Variants in DPP10 observed in about 807,000 individuals in gnomAD.
DPP10 encodes inactive dipeptidyl peptidase 10.
DPP10 carries 33 observed loss-of-function variants against 120.9 expected under a neutral mutation model. The ratio of observed to expected loss-of-function variants is 0.27; its 90% CI spans 0.21 to 0.37. The LOEUF (loss-of-function observed/expected upper bound fraction) is 0.37, where lower values mean the gene tolerates loss of function less well. Among genes scored for constraint, DPP10 ranks in the 10% least tolerant of loss-of-function variants. DPP10 has a pLI of 1.00. For missense variants in DPP10, 816 were observed against 942.8 expected (o/e 0.87, Z 1.76); for synonymous variants, 337 against 326.1 (o/e 1.03, Z -0.36).
chr2:114,879,296 C>G (rs1054017456), intron 1 of DPP10, among the ~76,000 whole-genome samples: 18 of 151,988 alleles, frequency 1.2e-4, no homozygotes, highest in South Asian at 2.1e-4. Flanking sequence ...AGCTATGATT[C>G]ATGTTTTTGT....
chr2:114,462,208 G>C, intron 1 of DPP10: 1 of 968,216 alleles, frequency 1.0e-6, no homozygotes, highest in Non-Finnish European at 1.2e-6. Context: ...GACAAGTTGC[G>C]AAGATTTTAC....
chr2:115,138,924 C>A (rs2050781056), intron 1 of DPP10, among the ~76,000 whole-genome samples: 3 of 152,092 alleles, frequency 2.0e-5, no homozygotes, highest in South Asian at 2.1e-4. Context: ...TACACCTGGG[C>A]AAAATGTCTT....
intron 1 of DPP10, among the ~76,000 whole-genome samples, chr2:114,885,032 A>AT: frequency 6.6e-6 from 1 of 152,320 alleles, no homozygotes; most frequent in South Asian, 2.1e-4. Flanking sequence ...CAAAACGTAT[A>AT]TTCCCCACAG....
intron 1 of DPP10, among the ~76,000 whole-genome samples, chr2:114,450,749 G>A (rs989461500): frequency 1.3e-5 from 2 of 151,110 alleles, no homozygotes; most frequent in African/African-American, 2.4e-5. Context: ...AAAAGGTTTT[G>A]CATTATGAGC....
Position 115,842,397 on chromosome 2 carries a change from G to T in DPP10, c.*52G>T. ...GGAATATTGAGGCTCAATGAAACCT[G>T]ACAAAGAGACTGTAATATTGTAGTT... On this transcript the variant is annotated 3_prime_UTR_variant, in exon 26 of 26. Transcript: ENST00000410059. The T allele has an allele frequency of 6.4e-7, 1 of 1,571,296 alleles. No individual in the cohort carries two copies.
At chr2:115,613,103 C>T (rs1284314653) in intron 5 of DPP10, among the ~76,000 whole-genome samples, 1 of 152,178 alleles carries the variant, frequency 6.6e-6, no homozygotes, top group Non-Finnish European at 1.5e-5. Flanking sequence ...TACTACATAA[C>T]ATGCAGTGGT....
intron 3 of DPP10, among the ~76,000 whole-genome samples, chr2:115,480,018 C>T (rs1201851021): frequency 6.6e-6 from 1 of 152,128 alleles, no homozygotes; most frequent in Non-Finnish European, 1.5e-5. Flanking sequence ...AGAGCTACCC[C>T]TTCAACTATA....
At position 115,611,009 on chromosome 2, in the gene DPP10, C is replaced by T. The variant is rs116274950; in HGVS notation, c.442-78678C>T. On this transcript the variant is annotated intron_variant, in intron 5 of 25. Coordinates refer to ENST00000410059, the MANE Select transcript of DPP10 (RefSeq NM_020868.6). The stretch of plus-strand genomic sequence containing the variant: ...GACACAGTTGTTTCTCCCAACATAT[C>T]GATATTATATCAGACTGATGTATCT... 4.7e-3 allele frequency among the ~76,000 whole-genome samples: 714 copies of T among 152,068 alleles called. 6 individuals carry two copies. Among genetic ancestry groups the T allele is most frequent in the South Asian group, 9.3e-3 (45 of 4,816 alleles).
At chr2:115,457,735 TG>T (rs1323818573) in intron 3 of DPP10, among the ~76,000 whole-genome samples, 1 of 152,072 alleles carries the variant, frequency 6.6e-6, no homozygotes, top group East Asian at 1.9e-4. Context: ...ATACAACACT[TG>T]GGGAGACAAC....
At chr2:114,457,071 A>G (rs1312149007) in intron 1 of DPP10, among the ~76,000 whole-genome samples, 1 of 152,224 alleles carries the variant, frequency 6.6e-6, no homozygotes, top group African/African-American at 2.4e-5. Context: ...ATAGATTAAG[A>G]GTAAGATCAA....
chr2:114,957,757 A>T (rs775684014), intron 1 of DPP10, among the ~76,000 whole-genome samples: 13 of 152,236 alleles, frequency 8.5e-5, no homozygotes, highest in Non-Finnish European at 1.8e-4. Flanking sequence ...TTAAAAATGT[A>T]GTGTACATAT....
At chr2:114,939,949 C>T (rs568674394) in intron 1 of DPP10, among the ~76,000 whole-genome samples, 1 of 152,172 alleles carries the variant, frequency 6.6e-6, no homozygotes, top group South Asian at 2.1e-4. Context: ...ACAATTGAAG[C>T]CTGTTAGTCT....
intron 24 of DPP10, among the ~76,000 whole-genome samples, chr2:115,839,367 G>T (rs528070796): frequency 5.6e-4 from 85 of 152,128 alleles, no homozygotes; most frequent in African/African-American, 1.9e-3. Context: ...CCCTAATTTT[G>T]CAACGACAAT....
chr2:115,585,526 A>T (rs1482736932), intron 5 of DPP10, among the ~76,000 whole-genome samples: 2 of 152,150 alleles, frequency 1.3e-5, no homozygotes, highest in Admixed American at 1.3e-4. Context: ...CATTGAATAA[A>T]AAAGGTAAAT....
intron 1 of DPP10, among the ~76,000 whole-genome samples, chr2:114,722,555 T>A (rs1220378470): frequency 6.6e-6 from 1 of 151,882 alleles, no homozygotes; most frequent in Non-Finnish European, 1.5e-5. Flanking sequence ...GGCGGGTGGA[T>A]CATGAGATCA....
intron 1 of DPP10, among the ~76,000 whole-genome samples, chr2:114,532,475 A>G (rs1686107037): frequency 1.3e-5 from 2 of 151,372 alleles, no homozygotes; most frequent in Non-Finnish European, 2.9e-5. Context: ...CTATCTACCC[A>G]CTTACCTACC....
intron 1 of DPP10, among the ~76,000 whole-genome samples, chr2:114,698,222 C>T (rs1022608978): frequency 1.3e-5 from 2 of 152,046 alleles, no homozygotes; most frequent in African/African-American, 4.8e-5. Flanking sequence ...CACCCCTGCT[C>T]TTGGCTCTCT....
chr2:114,749,779 C>T (rs1331147600), intron 1 of DPP10, among the ~76,000 whole-genome samples: 1 of 151,726 alleles, frequency 6.6e-6, no homozygotes, highest in Non-Finnish European at 1.5e-5. Context: ...ACATGAACGC[C>T]AAAGAGAAAA....
chr2:115,047,270 CCAAT>C (rs1705138865), intron 1 of DPP10, among the ~76,000 whole-genome samples: 2 of 152,126 alleles, frequency 1.3e-5, no homozygotes, highest in Admixed American at 1.3e-4. Flanking sequence ...TTGGATCCTT[CCAAT>C]CAGTTATCTA....
Sources: allele counts gnomAD v4.1 joint callset (sites outside exome capture counted in the v4.1 genomes callset), GRCh38; gene constraint gnomAD v4.1.1; transcripts MANE v1.5; gene names NCBI Gene and HGNC (gene_info 2026-07-23, HGNC 2026-07-21).